UBE2E2: variants seen among roughly 807,000 people sequenced by gnomAD.
The protein encoded by UBE2E2 is ubiquitin-conjugating enzyme E2 E2.
Under a neutral mutation model 24.7 loss-of-function variants are expected in UBE2E2, and 6 were observed. The ratio of observed to expected loss-of-function variants is 0.24; its 90% CI spans 0.13 to 0.48. UBE2E2 has a LOEUF of 0.48. Among genes scored for constraint, UBE2E2 ranks in the 20% least tolerant of loss-of-function variants. The probability of loss-of-function intolerance (pLI) is 0.99; values close to 1 mark genes in which losing one functional copy is unlikely to be tolerated. For synonymous variants in UBE2E2, 104 were observed against 83.6 expected, an observed-to-expected ratio of 1.24 and a Z score of -1.33; for missense variants, 169 against 245.0, an observed-to-expected ratio of 0.69 and a Z score of 2.07.
At position 23,301,147 on chromosome 3, in the gene UBE2E2, G is replaced by T. The variant is rs1457001369; in HGVS notation, c.227+83835G>T. Among the ~76,000 whole-genome samples the T allele has an allele frequency of 4.6e-5, 7 of 151,986 alleles. No homozygotes were observed. In the East Asian group the frequency reaches 1.3e-3, roughly 29 times the overall value. On this transcript the variant is annotated intron_variant, in intron 3 of 5. Coordinates refer to ENST00000396703, the MANE Select transcript of UBE2E2 (RefSeq NM_152653.4). ...TTTTCAGCTCCATCAGGTCCTTTAA[G>T]GACTTGTCTGCATTAGTTATTCTAG...
chr3:23,548,209 T>C (rs1695566827), intron 5 of UBE2E2, among the ~76,000 whole-genome samples: 2 of 152,146 alleles, frequency 1.3e-5, no homozygotes, highest in African/African-American at 4.8e-5. Flanking sequence ...GTTACAGAAA[T>C]TATAACCTAC....
At chr3:23,436,501 GAT>G (rs1440250525) in intron 3 of UBE2E2, among the ~76,000 whole-genome samples, 3 of 151,844 alleles carry the variant, frequency 2.0e-5, no homozygotes, top group Non-Finnish European at 4.4e-5. Context: ...GACATTTGAA[GAT>G]TTGTTTTCCT....
intron 3 of UBE2E2, among the ~76,000 whole-genome samples, chr3:23,282,427 T>G (rs1698510492): frequency 6.6e-6 from 1 of 152,224 alleles, no homozygotes; most frequent in Admixed American, 6.5e-5. Context: ...TCTCAGCAGA[T>G]TATGATTTTT....
intron 5 of UBE2E2, among the ~76,000 whole-genome samples, chr3:23,546,481 T>TC (rs1695524421): frequency 6.8e-6 from 1 of 147,284 alleles, no homozygotes; most frequent in Admixed American, 6.7e-5. Context: ...TTTTTTTTTT[T>TC]TTTTTTTTGG....
At chr3:23,309,092 A>G (rs1699310394) in intron 3 of UBE2E2, among the ~76,000 whole-genome samples, 1 of 152,196 alleles carries the variant, frequency 6.6e-6, no homozygotes, top group South Asian at 2.1e-4. Flanking sequence ...CAACTGTTCT[A>G]GTTCCTGGCC....
chr3:23,261,006 T>A (rs1328833882), intron 3 of UBE2E2, among the ~76,000 whole-genome samples: 1 of 151,974 alleles, frequency 6.6e-6, no homozygotes, highest in Non-Finnish European at 1.5e-5. Context: ...GGGAAGCTGA[T>A]GTGGGAGGAT....
chr3:23,270,930 T>C (rs1202684678), intron 3 of UBE2E2: 2 of 456,762 alleles, frequency 4.4e-6, no homozygotes, highest in South Asian at 3.1e-5. Flanking sequence ...CAACTAAGTT[T>C]ATACTCCATT....
chr3:23,542,713 A>G (rs1189699159), intron 5 of UBE2E2, among the ~76,000 whole-genome samples: 3 of 152,284 alleles, frequency 2.0e-5, no homozygotes, highest in East Asian at 3.9e-4. Context: ...TTTAAAAATC[A>G]GTCGTCTTTT....
intron 5 of UBE2E2, among the ~76,000 whole-genome samples, chr3:23,546,645 G>C (rs914484003): frequency 6.6e-6 from 1 of 151,142 alleles, no homozygotes; most frequent in African/African-American, 2.4e-5. Context: ...GGCTAATTTT[G>C]TATTTTTAGT....
intron 3 of UBE2E2, among the ~76,000 whole-genome samples, chr3:23,488,569 T>TA (rs978605167): frequency 1.3e-5 from 2 of 152,228 alleles, no homozygotes; most frequent in Non-Finnish European, 1.5e-5. Context: ...TATTAGAAAG[T>TA]AATAATTATG....
chr3:23,360,453 G>T (rs545828174), intron 3 of UBE2E2, among the ~76,000 whole-genome samples: 1 of 152,272 alleles, frequency 6.6e-6, no homozygotes, highest in South Asian at 2.1e-4. Context: ...AGCTTGCTAT[G>T]TAATTGTTCA....
intron 5 of UBE2E2, among the ~76,000 whole-genome samples, chr3:23,570,915 C>T (rs1189121219): frequency 6.6e-6 from 1 of 152,172 alleles, no homozygotes; most frequent in African/African-American, 2.4e-5. Flanking sequence ...TTAGCATCTT[C>T]TTTATCACTT....
rs1542802 is a variant in UBE2E2, at chr3:23,242,705, A to G, written c.227+25393A>G. The stretch of plus-strand genomic sequence containing the variant: ...TGCTGAGAAAAATCTAATTATTGCC[A>G]TTAAGGTGGCATTAAGTTAGTAAAT... On this transcript the variant is annotated intron_variant, in intron 3 of 5. Transcript: ENST00000396703. Among the ~76,000 whole-genome samples the G allele has an allele frequency of 4.2e-3, 641 of 152,270 alleles. 3 individuals carry two copies. Among genetic ancestry groups the G allele is most frequent in the African/African-American group, 0.014 (592 of 41,564 alleles).
chr3:23,432,653 T>G (rs1237060085), intron 3 of UBE2E2, among the ~76,000 whole-genome samples: 1 of 151,902 alleles, frequency 6.6e-6, no homozygotes, highest in African/African-American at 2.4e-5. Flanking sequence ...CTGTCCAAAT[T>G]TGGTAGTGGT....
chr3:23,261,900 A>G (rs184054569), intron 3 of UBE2E2, among the ~76,000 whole-genome samples: 45 of 152,282 alleles, frequency 3.0e-4, no homozygotes, highest in Middle Eastern at 3.4e-3. Flanking sequence ...GGTCATTTCT[A>G]TATCTTGGCT....
chr3:23,226,545 A>G (rs1015945016), intron 3 of UBE2E2, among the ~76,000 whole-genome samples: 2 of 152,210 alleles, frequency 1.3e-5, no homozygotes, highest in African/African-American at 4.8e-5. Flanking sequence ...CGGCCAGGAA[A>G]ACATCTTTAA....
At chr3:23,520,518 G>C (rs1476129168) in intron 4 of UBE2E2, among the ~76,000 whole-genome samples, 1 of 152,156 alleles carries the variant, frequency 6.6e-6, no homozygotes, top group African/African-American at 2.4e-5. Context: ...TGAATACTCT[G>C]CTACTTTCAA....
At chr3:23,461,768 A>G (rs897298220) in intron 3 of UBE2E2, among the ~76,000 whole-genome samples, 1 of 152,196 alleles carries the variant, frequency 6.6e-6, no homozygotes, top group African/African-American at 2.4e-5. Context: ...GGATTATGCT[A>G]TTGCATACTT....
chr3:23,400,540 A>G (rs905654914), intron 3 of UBE2E2, among the ~76,000 whole-genome samples: 2 of 151,742 alleles, frequency 1.3e-5, no homozygotes, highest in African/African-American at 4.8e-5. Flanking sequence ...ATAGGAGCAT[A>G]TGGTCAGCAG....
Sources: allele counts gnomAD v4.1 joint callset (sites outside exome capture counted in the v4.1 genomes callset), GRCh38; gene constraint gnomAD v4.1.1; transcripts MANE v1.5; gene names NCBI Gene and HGNC (gene_info 2026-07-23, HGNC 2026-07-21).